The following GRID1 variants were observed in gnomAD, a reference collection of about 807,000 sequenced individuals.
GRID1 encodes glutamate receptor ionotropic, delta-1.
In GRID1, 28 loss-of-function variants were observed where a neutral mutation model predicts 98.0. That is an observed-to-expected ratio of 0.29 (90% confidence interval 0.21 to 0.39). GRID1 has a LOEUF of 0.39. Among genes scored for constraint, GRID1 ranks in the 10% least tolerant of loss-of-function variants. GRID1 has a pLI of 1.00. For missense variants in GRID1, 1,111 were observed against 1,340.5 expected, an observed-to-expected ratio of 0.83 and a Z score of 2.67; for synonymous variants, 553 against 538.5, an observed-to-expected ratio of 1.03 and a Z score of -0.37.
At chr10:86,134,566 G>A (rs543518792) in intron 4 of GRID1, among the ~76,000 whole-genome samples, 1 of 152,278 alleles carries the variant, frequency 6.6e-6, no homozygotes, top group East Asian at 1.9e-4. Context: ...CATCAGTCCT[G>A]AAGTCTGGAT....
intron 2 of GRID1, among the ~76,000 whole-genome samples, chr10:86,281,092 G>C (rs1211750864): frequency 6.6e-6 from 1 of 152,168 alleles, no homozygotes; most frequent in African/African-American, 2.4e-5. Flanking sequence ...GGAGGGGGCA[G>C]AGCCTACATC....
intron 3 of GRID1, 125 bp from the exon 4 acceptor site, chr10:86,139,149 G>T: frequency 1.5e-6 from 1 of 680,274 alleles, no homozygotes; most frequent in East Asian, 2.6e-5. Context: ...GTCCAAGTCA[G>T]CCTCAGTGAT....
At chr10:85,831,678 T>C (rs955535752) in intron 8 of GRID1, among the ~76,000 whole-genome samples, 2 of 152,132 alleles carry the variant, frequency 1.3e-5, no homozygotes, top group Non-Finnish European at 2.9e-5. Flanking sequence ...GAAAAACTTC[T>C]ATGCTTGGAA....
At chr10:86,317,408 A>T (rs1847914300) in intron 2 of GRID1, among the ~76,000 whole-genome samples, 1 of 152,194 alleles carries the variant, frequency 6.6e-6, no homozygotes, top group East Asian at 1.9e-4. Context: ...GTTATGAATG[A>T]CCCAGGAAGA....
intron 4 of GRID1, among the ~76,000 whole-genome samples, chr10:86,078,781 C>A (rs1843922804): frequency 6.6e-6 from 1 of 152,190 alleles, no homozygotes; most frequent in Non-Finnish European, 1.5e-5. Flanking sequence ...GAACCTAGGA[C>A]CCCCAGCCCC....
At chr10:85,962,620 T>C (rs1589315414) in intron 4 of GRID1, among the ~76,000 whole-genome samples, 1 of 152,158 alleles carries the variant, frequency 6.6e-6, no homozygotes. Flanking sequence ...GAATGCAAGA[T>C]GGTGGCTCAA....
intron 12 of GRID1, among the ~76,000 whole-genome samples, chr10:85,651,274 T>C (rs908462847): frequency 6.6e-6 from 1 of 152,194 alleles, no homozygotes; most frequent in South Asian, 2.1e-4. Flanking sequence ...TTATCAGTAG[T>C]TCAAATGGTT....
In GRID1 at chr10:85,727,653, A is replaced by G. The variant is rs138657992; in HGVS notation, c.1533+202T>C. On this transcript the variant is annotated intron_variant, in intron 10 of 15. Transcript: ENST00000327946. ...AGCAATGGGCAGGGAGGTAACATAG[A>G]GTGTCAGAGACGAGGAGATACAAGA... Among the ~76,000 whole-genome samples the G allele has an allele frequency of 1.3e-4, 20 of 152,300 alleles. No homozygotes were observed. In the East Asian group the frequency reaches 3.7e-3, roughly 28 times the overall value.
At chr10:85,895,016 A>AAAATATATATAT (rs766551035) in intron 5 of GRID1, among the ~76,000 whole-genome samples, 10 of 97,106 alleles carry the variant, frequency 1.0e-4, no homozygotes, top group Admixed American at 5.5e-4. Flanking sequence ...AAAAAAAAAA[A>AAAATATATATAT]ATATATATAT....
chr10:86,183,524 T>A (rs1461189703), intron 3 of GRID1, among the ~76,000 whole-genome samples: 1 of 152,128 alleles, frequency 6.6e-6, no homozygotes, highest in Non-Finnish European at 1.5e-5. Flanking sequence ...CATACCCCGC[T>A]GATTTTGTCT....
At chr10:85,946,889 T>C (rs547431931) in intron 4 of GRID1, among the ~76,000 whole-genome samples, 42 of 152,136 alleles carry the variant, frequency 2.8e-4, no homozygotes, top group African/African-American at 9.9e-4. Context: ...AGTAGGTGAA[T>C]ATGAGAAGCA....
At chr10:86,006,866 G>A (rs1842866922) in intron 4 of GRID1, among the ~76,000 whole-genome samples, 1 of 151,644 alleles carries the variant, frequency 6.6e-6, no homozygotes, top group Non-Finnish European at 1.5e-5. Flanking sequence ...CTATGAACAA[G>A]AACAGACTGG....
At chr10:86,156,481 T>C (rs1845247457) in intron 3 of GRID1, among the ~76,000 whole-genome samples, 1 of 152,186 alleles carries the variant, frequency 6.6e-6, no homozygotes, top group African/African-American at 2.4e-5. Flanking sequence ...GCTGCCATGT[T>C]TCTTGTCCAA....
At chr10:85,963,770 G>A (rs1412206364) in intron 4 of GRID1, among the ~76,000 whole-genome samples, 1 of 152,122 alleles carries the variant, frequency 6.6e-6, no homozygotes, top group Admixed American at 6.5e-5. Context: ...TGTTGCTTTT[G>A]TATGCAACTT....
intron 2 of GRID1, among the ~76,000 whole-genome samples, chr10:86,358,230 C>T (rs1450825655): frequency 6.6e-6 from 1 of 152,048 alleles, no homozygotes; most frequent in Non-Finnish European, 1.5e-5. Flanking sequence ...GCAGGCCCAG[C>T]GAACAAAAGA....
At chr10:85,856,727 A>G (rs72842926) in intron 6 of GRID1, among the ~76,000 whole-genome samples, 2,594 of 152,348 alleles carry the variant, frequency 0.017, 36 homozygotes, top group South Asian at 0.026. Context: ...TAGACAATAT[A>G]TAAACATATG....
chr10:85,756,008 C>T (rs1038892885), intron 8 of GRID1, among the ~76,000 whole-genome samples: 2 of 152,120 alleles, frequency 1.3e-5, no homozygotes, highest in Non-Finnish European at 2.9e-5. Context: ...CACCCATTCT[C>T]CTTCAACCCC....
intron 5 of GRID1, among the ~76,000 whole-genome samples, chr10:85,875,628 G>A (rs1385267626): frequency 6.6e-6 from 1 of 151,796 alleles, no homozygotes; most frequent in Non-Finnish European, 1.5e-5. Context: ...TGGCAGTTAT[G>A]TTTTCTATGT....
chr10:85,855,685 G>C (rs1227596403), intron 7 of GRID1, among the ~76,000 whole-genome samples: 1 of 152,176 alleles, frequency 6.6e-6, no homozygotes, highest in South Asian at 2.1e-4. Flanking sequence ...AGGTGCACTC[G>C]TTTCTTGGGG....
Sources: allele counts gnomAD v4.1 joint callset (sites outside exome capture counted in the v4.1 genomes callset), GRCh38; gene constraint gnomAD v4.1.1; transcripts MANE v1.5; gene names NCBI Gene and HGNC (gene_info 2026-07-23, HGNC 2026-07-21).